The following NYAP2 variants were observed in gnomAD, a reference collection of about 807,000 sequenced individuals.
NYAP2 encodes neuronal tyrosine-phosphorylated phosphoinositide-3-kinase adapter 2.
A neutral mutation model predicts 50.4 loss-of-function variants in NYAP2; 23 were observed. The ratio of observed to expected loss-of-function variants is 0.46; its 90% CI spans 0.33 to 0.65. NYAP2 has a LOEUF of 0.65. NYAP2 is among the 30% of genes least tolerant of loss of function. The pLI is 0.02. For synonymous variants in NYAP2, 394 were observed against 365.2 expected, an observed-to-expected ratio of 1.08 and a Z score of -0.90; for missense variants, 885 against 861.0, an observed-to-expected ratio of 1.03 and a Z score of -0.35.
chr2:225,554,412 C>A (rs1691737562), intron 4 of NYAP2, among the ~76,000 whole-genome samples: 1 of 151,872 alleles, frequency 6.6e-6, no homozygotes, highest in Admixed American at 6.6e-5. Flanking sequence ...CCTCTGCCTC[C>A]CAGGTTCAAG....
At chr2:225,653,010 T>G (rs1693762235) in exon 7 of NYAP2, 1 of 152,182 alleles carries the variant, frequency 6.6e-6, no homozygotes, top group East Asian at 1.9e-4. Context: ...TTAAATGCCT[T>G]TATAACTAAA....
chr2:225,581,799 A>AT, intron 4 of NYAP2, 142 bp from the exon 5 acceptor site: 1 of 782,522 alleles, frequency 1.3e-6, no homozygotes, highest in Non-Finnish European at 2.1e-6. Context: ...TCTTTGGTTG[A>AT]TTTTTACTCT....
intron 6 of NYAP2, among the ~76,000 whole-genome samples, chr2:225,632,707 T>C (rs1693343229): frequency 6.6e-6 from 1 of 152,190 alleles, no homozygotes; most frequent in African/African-American, 2.4e-5. Context: ...GAGGAGATTA[T>C]ACAAGTAAAT....
chr2:225,630,825 T>G (rs537182333), intron 6 of NYAP2, among the ~76,000 whole-genome samples: 1 of 152,336 alleles, frequency 6.6e-6, no homozygotes, highest in African/African-American at 2.4e-5. Context: ...TGGGAAGTCA[T>G]TTACTGAGAT....
At chr2:225,668,372 A>G in the NYAP2 span, among the ~76,000 whole-genome samples, 10 of 152,174 alleles carry the variant, frequency 6.6e-5, no homozygotes, top group South Asian at 2.1e-4. Context: ...CACAACATCA[A>G]TAAGACTCTC....
chr2:225,654,110 T>C (rs1693785394), downstream of NYAP2: 1 of 152,124 alleles, frequency 6.6e-6, no homozygotes, highest in Non-Finnish European at 1.5e-5. Context: ...TTGACTAAGA[T>C]GTCTGTTTAA....
At chr2:225,445,911 C>G (rs77038486) in intron 3 of NYAP2, among the ~76,000 whole-genome samples, 67 of 152,048 alleles carry the variant, frequency 4.4e-4, no homozygotes, top group African/African-American at 1.5e-3. Context: ...TAATATTCAA[C>G]CTTATATTGG....
intron 4 of NYAP2, among the ~76,000 whole-genome samples, chr2:225,573,980 A>G (rs934276328): frequency 1.3e-5 from 2 of 152,190 alleles, no homozygotes; most frequent in Non-Finnish European, 2.9e-5. Flanking sequence ...GAGGGTGGCT[A>G]TCTTGAAAGA....
intron 3 of NYAP2, among the ~76,000 whole-genome samples, chr2:225,480,393 A>G (rs781753900): frequency 2.0e-5 from 3 of 152,148 alleles, no homozygotes; most frequent in Admixed American, 1.3e-4. Flanking sequence ...TAATGGAGAT[A>G]TGAAGGAGAG....
At chr2:225,535,849 C>T (rs374570249) in intron 4 of NYAP2, among the ~76,000 whole-genome samples, 2 of 152,234 alleles carry the variant, frequency 1.3e-5, no homozygotes, top group African/African-American at 4.8e-5. Flanking sequence ...ATAATCCTAC[C>T]TCCATTCCTT....
the NYAP2 span, among the ~76,000 whole-genome samples, chr2:225,681,295 A>G: frequency 2.0e-5 from 3 of 152,316 alleles, no homozygotes; most frequent in East Asian, 5.8e-4. Flanking sequence ...TTATCTGTCT[A>G]TCCTAAGAGA....
chr2:225,501,623 T>A (rs1690610442), intron 3 of NYAP2, among the ~76,000 whole-genome samples: 1 of 152,344 alleles, frequency 6.6e-6, no homozygotes, highest in African/African-American at 2.4e-5. Context: ...ATACATTTTT[T>A]TTTGTTTCAA....
chr2:225,476,274 G>A (rs948395216), intron 3 of NYAP2, among the ~76,000 whole-genome samples: 2 of 152,090 alleles, frequency 1.3e-5, no homozygotes, highest in Admixed American at 6.5e-5. Context: ...TTAGCCAGGC[G>A]TAGTGATGGG....
At chr2:225,677,474 C>A in the NYAP2 span, among the ~76,000 whole-genome samples, 1 of 151,594 alleles carries the variant, frequency 6.6e-6, no homozygotes, top group Non-Finnish European at 1.5e-5. Flanking sequence ...GAGTGGGCAT[C>A]CTGTTCTGCT....
At chr2:225,404,797 T>A (rs146814608) in intron 2 of NYAP2, among the ~76,000 whole-genome samples, 327 of 152,054 alleles carry the variant, frequency 2.2e-3, no homozygotes, top group African/African-American at 7.5e-3. Flanking sequence ...GATACAGTAA[T>A]CTAAAAACTT....
chr2:225,649,116 G>A (rs185378999), intron 6 of NYAP2, among the ~76,000 whole-genome samples: 82 of 152,276 alleles, frequency 5.4e-4, no homozygotes, highest in East Asian at 5.8e-4. Flanking sequence ...GTGTGTATGT[G>A]TGTAGGGGGT....
chr2:225,632,483 G>T (rs1693338023), intron 6 of NYAP2, among the ~76,000 whole-genome samples: 1 of 152,200 alleles, frequency 6.6e-6, no homozygotes, highest in South Asian at 2.1e-4. Context: ...CACTTGAAAT[G>T]GTTGTTCTTA....
At chr2:225,586,090 A>G (rs188553314) in intron 5 of NYAP2, among the ~76,000 whole-genome samples, 112 of 152,356 alleles carry the variant, frequency 7.4e-4, no homozygotes, top group Admixed American at 3.7e-3. Context: ...GGAGAAGTCA[A>G]TTTTAAGTAT....
intron 5 of NYAP2, among the ~76,000 whole-genome samples, chr2:225,598,015 A>T (rs1446948995): frequency 1.3e-5 from 2 of 152,092 alleles, no homozygotes; most frequent in African/African-American, 4.8e-5. Flanking sequence ...CTACGACCTG[A>T]GGTTAGGAGC....
Sources: gnomAD v4.1 joint callset for allele counts (sites outside exome capture counted in the v4.1 genomes callset) on GRCh38, gnomAD v4.1.1 for gene constraint, MANE v1.5 for transcripts, NCBI Gene and HGNC (gene_info 2026-07-23, HGNC 2026-07-21) for gene names.